Variants in GLRA3 observed in about 807,000 individuals in gnomAD.
GLRA3 encodes glycine receptor subunit alpha-3.
In GLRA3, 44 loss-of-function variants were observed where a neutral mutation model predicts 60.4. That is an observed-to-expected ratio of 0.73 (90% CI 0.57 to 0.94). GLRA3 has a LOEUF of 0.94. Ranked by LOEUF, GLRA3 falls within the 40% of genes least tolerant of loss-of-function variation. The probability of loss-of-function intolerance (pLI) is 0.00; values close to 1 mark genes in which losing one functional copy is unlikely to be tolerated. For missense variants in GLRA3, 508 were observed against 564.6 expected (o/e 0.90, Z 1.02); for synonymous variants, 223 against 192.9 (o/e 1.16, Z -1.29).
chr4:174,770,466 G>T (rs1738335103), intron 2 of GLRA3, among the ~76,000 whole-genome samples: 1 of 152,100 alleles, frequency 6.6e-6, no homozygotes, highest in African/African-American at 2.4e-5. Context: ...AGAGAGAGGA[G>T]TCAGGGCTTG....
intron 3 of GLRA3, among the ~76,000 whole-genome samples, chr4:174,732,539 C>G (rs981385585): frequency 1.3e-5 from 2 of 151,816 alleles, no homozygotes; most frequent in Non-Finnish European, 2.9e-5. Context: ...CAAGACAAAC[C>G]AAACCAAAAC....
intron 5 of GLRA3, among the ~76,000 whole-genome samples, chr4:174,688,260 G>C (rs1014200759): frequency 7.4e-6 from 1 of 134,668 alleles, no homozygotes; most frequent in South Asian, 2.3e-4. Flanking sequence ...TCCTCCAGTT[G>C]CTCTACCTTA....
At chr4:174,794,500 C>T (rs1416563360) in intron 1 of GLRA3, among the ~76,000 whole-genome samples, 2 of 151,976 alleles carry the variant, frequency 1.3e-5, no homozygotes, top group African/African-American at 4.8e-5. Flanking sequence ...CACATACACA[C>T]CACACACTAT....
At chr4:174,778,323 T>A (rs1738690118) in intron 2 of GLRA3, among the ~76,000 whole-genome samples, 1 of 152,170 alleles carries the variant, frequency 6.6e-6, no homozygotes, top group African/African-American at 2.4e-5. Flanking sequence ...AAAATAAAAA[T>A]AACTATTTCT....
chr4:174,825,823 T>C (rs1173464365), intron 1 of GLRA3, among the ~76,000 whole-genome samples: 1 of 152,142 alleles, frequency 6.6e-6, no homozygotes, highest in East Asian at 1.9e-4. Context: ...GATGATACTT[T>C]AGTGCTTTTA....
intron 5 of GLRA3, among the ~76,000 whole-genome samples, chr4:174,707,199 T>C (rs1735550669): frequency 6.6e-6 from 1 of 152,166 alleles, no homozygotes; most frequent in Admixed American, 6.5e-5. Context: ...TAGTGCACTG[T>C]TGCAAGGTTT....
rs566998296 is a variant in GLRA3 at position 174,670,700 on chromosome 4, T to A, written c.927+6378A>T. 2.6e-5 allele frequency among the ~76,000 whole-genome samples: 4 copies of A among 152,160 alleles called. No homozygotes were observed. The South Asian group carries it at 6.2e-4, about 24-fold the overall frequency. ...GTCTCTATCTCAAGTACAGAGAAAATGCTTGATAATCATTAATTTTTCAGC... is the reference window on the plus strand; with the variant it reads ...GTCTCTATCTCAAGTACAGAGAAAAAGCTTGATAATCATTAATTTTTCAGC... On this transcript the variant is annotated intron_variant, in intron 7 of 9. Coordinates refer to ENST00000274093, the MANE Select transcript of GLRA3 (RefSeq NM_006529.4).
At chr4:174,652,154 C>T (rs1196368236) in intron 9 of GLRA3, among the ~76,000 whole-genome samples, 3 of 152,034 alleles carry the variant, frequency 2.0e-5, no homozygotes, top group Admixed American at 6.6e-5. Flanking sequence ...TTGCATTACC[C>T]AGTCATAAAT....
chr4:174,796,657 C>G (rs1038590965), intron 1 of GLRA3, among the ~76,000 whole-genome samples: 1 of 151,996 alleles, frequency 6.6e-6, no homozygotes, highest in Non-Finnish European at 1.5e-5. Context: ...CTGCCTCAGC[C>G]CCCCGAGTAG....
intron 2 of GLRA3, among the ~76,000 whole-genome samples, chr4:174,775,418 T>C (rs1409088252): frequency 6.6e-6 from 1 of 151,978 alleles, no homozygotes; most frequent in Non-Finnish European, 1.5e-5. Context: ...GAGAAAAGGA[T>C]TAGTGAAATA....
intron 1 of GLRA3, among the ~76,000 whole-genome samples, chr4:174,812,692 T>C (rs906904747): frequency 6.6e-6 from 1 of 152,188 alleles, no homozygotes; most frequent in African/African-American, 2.4e-5. Flanking sequence ...ATATTCTTTT[T>C]AAAAAGTAAG....
At chr4:174,649,128 G>C (rs1408873486) in intron 9 of GLRA3, among the ~76,000 whole-genome samples, 1 of 152,142 alleles carries the variant, frequency 6.6e-6, no homozygotes, top group African/African-American at 2.4e-5. Flanking sequence ...TCTTAATGGG[G>C]CTCTATGGCT....
intron 2 of GLRA3, among the ~76,000 whole-genome samples, chr4:174,774,973 A>C (rs1034815702): frequency 3.9e-5 from 6 of 152,212 alleles, no homozygotes; most frequent in African/African-American, 1.4e-4. Context: ...CACTTGTAAC[A>C]CTTCTGTTAG....
At chr4:174,811,571 A>C (rs936997748) in intron 1 of GLRA3, among the ~76,000 whole-genome samples, 1 of 152,166 alleles carries the variant, frequency 6.6e-6, no homozygotes, top group Non-Finnish European at 1.5e-5. Flanking sequence ...TTATATCACA[A>C]ATGTGGTTCT....
intron 3 of GLRA3, among the ~76,000 whole-genome samples, chr4:174,731,274 C>T (rs1385556858): frequency 6.6e-6 from 1 of 151,842 alleles, no homozygotes; most frequent in Non-Finnish European, 1.5e-5. Context: ...CCCATTATAC[C>T]CAGCAACCAA....
chr4:174,801,911 C>T (rs1470054516), intron 1 of GLRA3, among the ~76,000 whole-genome samples: 1 of 152,050 alleles, frequency 6.6e-6, no homozygotes, highest in African/African-American at 2.4e-5. Flanking sequence ...ATATGTCTAT[C>T]TGCCTCCTTT....
intron 5 of GLRA3, among the ~76,000 whole-genome samples, chr4:174,689,271 T>G (rs1226514028): frequency 6.6e-6 from 1 of 152,224 alleles, no homozygotes; most frequent in Non-Finnish European, 1.5e-5. Context: ...TCTAAGTATG[T>G]ATACACATCT....
rs1480972270 is a variant in GLRA3 at position 174,778,375 on chromosome 4, CAT to C, written c.199+10439_199+10440del. On this transcript the variant is annotated intron_variant, in intron 2 of 9. Coordinates refer to ENST00000274093, the MANE Select transcript of GLRA3 (RefSeq NM_006529.4). ...TTCTTTTTTTGCTTTTACCATGTCT[CAT>C]ATATTTTTCTCAGCCACATCATGGG... Among the ~76,000 whole-genome samples the C allele has an allele frequency of 4.6e-5, 7 of 151,458 alleles. No homozygotes were observed. The South Asian group carries it at 1.3e-3, about 27-fold the overall frequency.
rs1579418930 is a variant in GLRA3 at position 174,670,839 on chromosome 4, A to T, written c.927+6239T>A. Among the ~76,000 whole-genome samples, 6 of 152,256 alleles carry T rather than the reference A, an allele frequency of 3.9e-5. 2 individuals carry two copies. The highest frequency in any genetic ancestry group is 3.9e-4 in the Admixed American group (6 of 15,270). On this transcript the variant is annotated intron_variant, in intron 7 of 9. Transcript: ENST00000274093. ...AAATGTAGAACTAGAGATATCCATC[A>T]ATTTCTATCCTTCTTATCATAGAAT...
Sources: gnomAD v4.1 joint callset for allele counts (sites outside exome capture counted in the v4.1 genomes callset) on GRCh38, gnomAD v4.1.1 for gene constraint, MANE v1.5 for transcripts, NCBI Gene and HGNC (gene_info 2026-07-23, HGNC 2026-07-21) for gene names.